Variants in MYO16 observed in about 807,000 individuals in gnomAD.
MYO16 encodes unconventional myosin-XVI.
Under a neutral mutation model 205.3 loss-of-function variants are expected in MYO16, and 94 were observed. That is an observed-to-expected ratio of 0.46 (90% CI 0.39 to 0.54). The LOEUF (loss-of-function observed/expected upper bound fraction) is 0.54, where lower values mean the gene tolerates loss of function less well. MYO16 is among the 20% of genes least tolerant of loss of function. The probability of loss-of-function intolerance (pLI) is 0.00; values close to 1 mark genes in which losing one functional copy is unlikely to be tolerated. For missense variants in MYO16, 2,315 were observed against 2,387.5 expected, an observed-to-expected ratio of 0.97 and a Z score of 0.63; for synonymous variants, 988 against 954.0, an observed-to-expected ratio of 1.04 and a Z score of -0.66.
chr13:108,901,429 C>T (rs930617261), intron 15 of MYO16, among the ~76,000 whole-genome samples: 2 of 152,032 alleles, frequency 1.3e-5, no homozygotes, highest in African/African-American at 2.4e-5. Flanking sequence ...TCAGACCGGC[C>T]GACTCTTAGG....
At position 108,957,707 on chromosome 13, in the gene MYO16, C is replaced by T; in HGVS notation, c.1945C>T (p.Gln649Ter). The T allele has an allele frequency of 1.2e-6, 2 of 1,612,714 alleles. No homozygotes were observed. Among genetic ancestry groups the T allele is most frequent in the Non-Finnish European group, 1.7e-6 (2 of 1,178,886 alleles). Residue 649 changes from glutamine to a stop codon, truncating the protein, a stop_gained, in exon 17 of 35, where the codon CAG (glutamine) becomes TAG (stop). Coordinates refer to ENST00000457511, the MANE Select transcript of MYO16 (RefSeq NM_001198950.3). LOFTEE classifies it high-confidence loss of function. The part of the protein sequence containing the change: ...CAHRYLNQTI[Q>*]DDASTGERSL... ...TAACAGGTATTTGAACCAGACCATACAGGATGATGCATCCACAGGGGAGCG... is the reference window on the plus strand; with the variant it reads ...TAACAGGTATTTGAACCAGACCATATAGGATGATGCATCCACAGGGGAGCG...
intron 21 of MYO16, among the ~76,000 whole-genome samples, chr13:108,993,165 T>A (rs1594453274): frequency 6.6e-6 from 1 of 152,134 alleles, no homozygotes; most frequent in African/African-American, 2.4e-5. Context: ...GGGAGGAATT[T>A]TCATAGTTAC....
At chr13:108,782,705 T>G (rs1285253409) in intron 4 of MYO16, among the ~76,000 whole-genome samples, 6 of 152,086 alleles carry the variant, frequency 3.9e-5, no homozygotes, top group Admixed American at 3.9e-4. Flanking sequence ...GTCCCCGTGC[T>G]GTTTGCAGCC....
At chr13:108,929,080 C>T (rs2139286043) in intron 16 of MYO16, among the ~76,000 whole-genome samples, 1 of 152,216 alleles carries the variant, frequency 6.6e-6, no homozygotes, top group South Asian at 2.1e-4. Context: ...AATAAAAATG[C>T]TTTGTGCAGA....
At chr13:109,008,015 A>C (rs964509031) in intron 21 of MYO16, among the ~76,000 whole-genome samples, 2 of 152,342 alleles carry the variant, frequency 1.3e-5, no homozygotes, top group South Asian at 4.1e-4. Flanking sequence ...AATATTTTAA[A>C]TGCTCAAATA....
At chr13:109,197,126 G>T (rs1350797141) in intron 34 of MYO16, among the ~76,000 whole-genome samples, 1 of 152,078 alleles carries the variant, frequency 6.6e-6, no homozygotes, top group Non-Finnish European at 1.5e-5. Context: ...CAGCGGCTCC[G>T]CCCACTAGCC....
At chr13:109,126,994 C>T (rs1313310836) in intron 30 of MYO16, among the ~76,000 whole-genome samples, 2 of 152,144 alleles carry the variant, frequency 1.3e-5, no homozygotes, top group African/African-American at 2.4e-5. Flanking sequence ...ATGGAAAATG[C>T]GAAGGCCCTT....
intron 6 of MYO16, among the ~76,000 whole-genome samples, chr13:108,796,189 GA>G (rs1245006655): frequency 6.6e-6 from 1 of 152,212 alleles, no homozygotes; most frequent in Non-Finnish European, 1.5e-5. Context: ...CAGAAGAGAG[GA>G]GGGGCATGAG....
rs1216409707 is a variant in MYO16 at position 109,120,420 on chromosome 13, T to A, written c.3489T>A (p.Asn1163Lys). The change falls in exon 29 of 35, where the codon AAT becomes AAA. Residue 1163 changes from asparagine (N) to lysine (K), a missense_variant. Asn to Lys is a moderately conservative substitution (Grantham distance 94, BLOSUM62 0). Around this residue, in one of 3 missense-constraint regions of MYO16, gnomAD observed 1,097 missense variants for 1,092.0 expected, o/e 1.00. Coordinates refer to ENST00000457511, the MANE Select transcript of MYO16 (RefSeq NM_001198950.3). Reference protein sequence around the residue: ...FLKYWHADQLNDLCLQLQRKI... With the variant: ...FLKYWHADQLKDLCLQLQRKI... Reference sequence around the variant, plus strand: ...AATACTGGCATGCTGACCAACTCAATGATTTGTGCCTACAGTTGCAGAGAA... The same window carrying A: ...AATACTGGCATGCTGACCAACTCAAAGATTTGTGCCTACAGTTGCAGAGAA... 2 of 1,612,352 alleles carry A rather than the reference T, an allele frequency of 1.2e-6. No homozygotes were observed. Among genetic ancestry groups the A allele is most frequent in the Non-Finnish European group, 1.7e-6 (2 of 1,179,312 alleles).
intron 20 of MYO16, among the ~76,000 whole-genome samples, chr13:108,992,008 C>CAGATTAT (rs1288268496): frequency 4.6e-5 from 7 of 151,920 alleles, no homozygotes; most frequent in African/African-American, 1.7e-4. Context: ...GTTTGTTGTA[C>CAGATTAT]AGATTATTAA....
At chr13:108,858,505 T>C (rs1878304486) in intron 11 of MYO16, among the ~76,000 whole-genome samples, 1 of 152,186 alleles carries the variant, frequency 6.6e-6, no homozygotes, top group Admixed American at 6.5e-5. Flanking sequence ...AGACTGTTGA[T>C]GCTGGTTTTC....
At chr13:109,178,296 C>G (rs1046687924) in intron 33 of MYO16, among the ~76,000 whole-genome samples, 6 of 152,100 alleles carry the variant, frequency 3.9e-5, no homozygotes, top group Non-Finnish European at 8.8e-5. Flanking sequence ...AGACCCCCCC[C>G]ACCCACTAGC....
intron 6 of MYO16, among the ~76,000 whole-genome samples, chr13:108,795,081 A>G (rs1886743760): frequency 1.3e-5 from 2 of 152,050 alleles, no homozygotes; most frequent in East Asian, 1.9e-4. Context: ...TTACGTTGTT[A>G]TAGTCTCCTA....
chr13:108,769,928 A>G (rs1885907457), intron 4 of MYO16, among the ~76,000 whole-genome samples: 1 of 152,212 alleles, frequency 6.6e-6, no homozygotes, highest in Non-Finnish European at 1.5e-5. Context: ...GAAACGCTTT[A>G]AATGTGGTAA....
At chr13:108,511,215 T>C in the MYO16 span, among the ~76,000 whole-genome samples, 32 of 136,928 alleles carry the variant, frequency 2.3e-4, 4 homozygotes, top group African/African-American at 8.5e-5. Context: ...TGCATTTCTC[T>C]GATGGCCAGT....
At chr13:108,871,350 GTGTGTGTGTGTGTC>G (rs1879049155) in intron 12 of MYO16, among the ~76,000 whole-genome samples, 1 of 147,212 alleles carries the variant, frequency 6.8e-6, no homozygotes, top group African/African-American at 2.6e-5. Context: ...GTGTGTGTGT[GTGTGTGTGTGTGTC>G]TGTGTGTTGG....
intron 1 of MYO16, among the ~76,000 whole-genome samples, chr13:108,631,732 G>C (rs1330111270): frequency 6.6e-6 from 1 of 152,060 alleles, no homozygotes; most frequent in African/African-American, 2.4e-5. Flanking sequence ...ACTAGTGAAG[G>C]GTGTTTTATG....
At chr13:108,648,164 TG>T (rs1407694197) in intron 1 of MYO16, among the ~76,000 whole-genome samples, 1 of 152,196 alleles carries the variant, frequency 6.6e-6, no homozygotes, top group Non-Finnish European at 1.5e-5. Flanking sequence ...GTGCAAGAAT[TG>T]GGCTCAATGG....
At chr13:108,995,306 G>A (rs1376699990) in intron 21 of MYO16, among the ~76,000 whole-genome samples, 7 of 152,080 alleles carry the variant, frequency 4.6e-5, no homozygotes, top group African/African-American at 1.4e-4. Context: ...AATCTCACTC[G>A]GGATGGTGGC....
Sources: allele counts gnomAD v4.1 joint callset (sites outside exome capture counted in the v4.1 genomes callset), GRCh38; gene constraint gnomAD v4.1.1; regional missense constraint gnomAD v4.1.1; transcripts MANE v1.5; gene names NCBI Gene and HGNC (gene_info 2026-07-23, HGNC 2026-07-21).